Variants in PDZRN4 observed in about 807,000 individuals in gnomAD.
PDZRN4 encodes the protein PDZ domain containing ring finger 4.
PDZRN4 carries 70 observed loss-of-function variants against 99.0 expected under a neutral mutation model. The observed-to-expected ratio is 0.71, with a 90% CI of 0.58 to 0.86. The LOEUF is 0.86. PDZRN4 is among the 40% of genes least tolerant of loss of function. PDZRN4 has a pLI of 0.00. For missense variants in PDZRN4, 1,474 were observed against 1,331.2 expected, an observed-to-expected ratio of 1.11 and a Z score of -1.67; for synonymous variants, 551 against 501.6, an observed-to-expected ratio of 1.10 and a Z score of -1.32.
rs375694774 is a variant in PDZRN4, at chr12:41,287,762, G to C, written c.843+93574G>C. Among the ~76,000 whole-genome samples the C allele has an allele frequency of 1.6e-4, 25 of 152,324 alleles. 1 individual carries two copies. Among genetic ancestry groups the C allele is most frequent in the African/African-American group, 6.0e-4 (25 of 41,580 alleles). On this transcript the variant is annotated intron_variant, in intron 3 of 9. Coordinates refer to ENST00000402685, the MANE Select transcript of PDZRN4 (RefSeq NM_001164595.2). Reference sequence around the variant, plus strand: ...CTTCCTGTTCTTTACTTGAGGATCTGCAGTTTGGACAGAAGCCTTACTGTT... The same window carrying C: ...CTTCCTGTTCTTTACTTGAGGATCTCCAGTTTGGACAGAAGCCTTACTGTT...
At chr12:41,209,805 A>G (rs1950876380) in intron 3 of PDZRN4, among the ~76,000 whole-genome samples, 1 of 149,150 alleles carries the variant, frequency 6.7e-6, no homozygotes, top group Non-Finnish European at 1.5e-5. Flanking sequence ...TGCAATAAAC[A>G]TACGTGTGCA....
At chr12:41,308,527 G>A (rs112794225) in intron 3 of PDZRN4, among the ~76,000 whole-genome samples, 1,879 of 152,262 alleles carry the variant, frequency 0.012, 47 homozygotes, top group African/African-American at 0.043. Context: ...GTCTCAGGAA[G>A]CAATACCAAA....
chr12:41,445,175 G>T (rs933771735), intron 3 of PDZRN4, among the ~76,000 whole-genome samples: 1 of 151,986 alleles, frequency 6.6e-6, no homozygotes, highest in Non-Finnish European at 1.5e-5. Context: ...ACACAAGGGA[G>T]GCACGTTACT....
chr12:41,191,583 A>C (rs771245662), intron 2 of PDZRN4, 39 bp downstream of exon 2: 1 of 843,306 alleles, frequency 1.2e-6, no homozygotes, highest in East Asian at 2.4e-5. Flanking sequence ...TTACTTATAA[A>C]ATAAGCATTA....
intron 3 of PDZRN4, among the ~76,000 whole-genome samples, chr12:41,459,783 T>C (rs1346328615): frequency 6.6e-6 from 1 of 152,324 alleles, no homozygotes; most frequent in Non-Finnish European, 1.5e-5. Flanking sequence ...TCACAATGCA[T>C]GGAACAGATT....
At chr12:41,209,846 C>T (rs1221123408) in intron 3 of PDZRN4, among the ~76,000 whole-genome samples, 2 of 149,640 alleles carry the variant, frequency 1.3e-5, no homozygotes, top group African/African-American at 2.5e-5. Context: ...ATTTATAGTC[C>T]TTTGGGTATA....
At chr12:41,509,189 T>C (rs1938261947) in intron 4 of PDZRN4, among the ~76,000 whole-genome samples, 1 of 152,116 alleles carries the variant, frequency 6.6e-6, no homozygotes, top group Admixed American at 6.6e-5. Context: ...TTGTGGCTTA[T>C]AGGAGTTTCC....
In PDZRN4 at chr12:41,450,254, C is replaced by G. The variant is rs11180925; in HGVS notation, c.844-56202C>G. The stretch of plus-strand genomic sequence containing the variant: ...TTTACATCTAGGATATTGTTTGAAC[C>G]ATGAAAAATATATGAAAATAAAGAT... On this transcript the variant is annotated intron_variant, in intron 3 of 9. Transcript: ENST00000402685. 5.3e-3 allele frequency among the ~76,000 whole-genome samples: 811 copies of G among 152,104 alleles called. 11 individuals carry two copies. Among genetic ancestry groups the G allele is most frequent in the African/African-American group, 0.019 (774 of 41,484 alleles).
chr12:41,558,766 T>TA (rs1939213618), intron 7 of PDZRN4, among the ~76,000 whole-genome samples: 1 of 152,200 alleles, frequency 6.6e-6, no homozygotes, highest in Non-Finnish European at 1.5e-5. Flanking sequence ...CATGTCCCAG[T>TA]AAAAAAACCT....
At chr12:41,498,801 AT>A (rs907310837) in intron 3 of PDZRN4, among the ~76,000 whole-genome samples, 1 of 152,108 alleles carries the variant, frequency 6.6e-6, no homozygotes, top group Non-Finnish European at 1.5e-5. Flanking sequence ...ATATTTTAAA[AT>A]CTCCCTTAAA....
chr12:41,255,943 CA>C, intron 3 of PDZRN4, among the ~76,000 whole-genome samples: 1 of 152,238 alleles, frequency 6.6e-6, no homozygotes, highest in Admixed American at 6.5e-5. Flanking sequence ...AATTCACTCC[CA>C]TGACCCAAAC....
chr12:41,315,287 G>A (rs1460642702), intron 3 of PDZRN4, among the ~76,000 whole-genome samples: 2 of 152,034 alleles, frequency 1.3e-5, no homozygotes, highest in Non-Finnish European at 2.9e-5. Flanking sequence ...ATAAAATTCA[G>A]TTTAGTTTAT....
intron 3 of PDZRN4, among the ~76,000 whole-genome samples, chr12:41,434,073 T>A (rs978660882): frequency 2.6e-5 from 4 of 152,208 alleles, no homozygotes; most frequent in African/African-American, 9.6e-5. Flanking sequence ...TAGAATTTTA[T>A]CAACCAAATG....
chr12:41,293,793 G>C (rs1479545051), intron 3 of PDZRN4, among the ~76,000 whole-genome samples: 2 of 152,110 alleles, frequency 1.3e-5, no homozygotes, highest in Admixed American at 1.3e-4. Flanking sequence ...AATTTCTGTA[G>C]TGTTTCACAG....
At chr12:41,407,371 C>A (rs1952357716) in intron 3 of PDZRN4, among the ~76,000 whole-genome samples, 1 of 152,148 alleles carries the variant, frequency 6.6e-6, no homozygotes, top group Non-Finnish European at 1.5e-5. Context: ...GCAAAGGGTT[C>A]TTTGTGGGAA....
intron 3 of PDZRN4, among the ~76,000 whole-genome samples, chr12:41,441,471 TAAC>T (rs1377390179): frequency 6.6e-6 from 1 of 152,120 alleles, no homozygotes; most frequent in African/African-American, 2.4e-5. Context: ...GCATTGAAAG[TAAC>T]AATATTGGCA....
Position 41,506,484 on chromosome 12 carries a change from C to T in PDZRN4, c.872C>T (p.Thr291Ile). Reference sequence around the variant, plus strand: ...AATGGGAAGGATCTTTCAAAGGCCACTCATGAAGAGGCAGTGGAAGCTTTT... The same window carrying T: ...AATGGGAAGGATCTTTCAAAGGCCATTCATGAAGAGGCAGTGGAAGCTTTT... ...EVNGKDLSKA[T>I]HEEAVEAFRN... The change falls in exon 4 of 10, where the codon ACT becomes ATT. Residue 291 changes from threonine to isoleucine, a missense_variant. Thr to Ile is a moderately conservative substitution (Grantham distance 89, BLOSUM62 -1). Coordinates refer to ENST00000402685, the MANE Select transcript of PDZRN4 (RefSeq NM_001164595.2). 6.2e-7 allele frequency: 1 copy of T among 1,613,284 alleles called. No homozygotes were observed. Among genetic ancestry groups the T allele is most frequent in the Non-Finnish European group, 8.5e-7 (1 of 1,179,566 alleles).
intron 3 of PDZRN4, among the ~76,000 whole-genome samples, chr12:41,270,434 G>C (rs1951307796): frequency 6.6e-6 from 1 of 151,876 alleles, no homozygotes; most frequent in African/African-American, 2.4e-5. Context: ...AGAGAAAATT[G>C]AATTCTATCA....
At chr12:41,244,993 A>G (rs931406210) in intron 3 of PDZRN4, among the ~76,000 whole-genome samples, 1 of 152,046 alleles carries the variant, frequency 6.6e-6, no homozygotes, top group Non-Finnish European at 1.5e-5. Context: ...CCCGGCCCAC[A>G]CCACTGTCTT....
Sources: allele counts gnomAD v4.1 joint callset (sites outside exome capture counted in the v4.1 genomes callset), GRCh38; gene constraint gnomAD v4.1.1; transcripts MANE v1.5; gene names NCBI Gene and HGNC (gene_info 2026-07-23, HGNC 2026-07-21).